LRRFIP1: variants seen among roughly 807,000 people sequenced by gnomAD.
LRRFIP1 encodes the protein LRR binding FLII interacting protein 1.
Under a neutral mutation model 104.4 loss-of-function variants are expected in LRRFIP1, and 62 were observed. The observed-to-expected ratio is 0.59, with a 90% CI of 0.48 to 0.73. The LOEUF is 0.73. LRRFIP1 is among the 30% of genes least tolerant of loss of function. The pLI is 0.00. For synonymous variants in LRRFIP1, 300 were observed against 299.0 expected (o/e 1.00, Z -0.03); for missense variants, 796 against 824.5 (o/e 0.97, Z 0.42).
rs1269026203 is a variant in LRRFIP1 at position 237,781,047 on chromosome 2, A to G, written c.*1515A>G. Among the ~76,000 whole-genome samples, 3 of 152,206 alleles carry G rather than the reference A, an allele frequency of 2.0e-5. No homozygotes were observed. The highest frequency in any genetic ancestry group is 4.4e-5 in the Non-Finnish European group (3 of 68,042). On this transcript the variant is annotated 3_prime_UTR_variant, in exon 24 of 24. Transcript: ENST00000308482. Reference sequence around the variant, plus strand: ...CCCGGGCACCGTATGAACAGGAAAGAGGAAGGAAGCTGGACGAAGCCCCTC... The same window carrying G: ...CCCGGGCACCGTATGAACAGGAAAGGGGAAGGAAGCTGGACGAAGCCCCTC...
intron 1 of LRRFIP1, among the ~76,000 whole-genome samples, chr2:237,698,776 G>A (rs541163916): frequency 5.9e-4 from 90 of 152,262 alleles, no homozygotes; most frequent in African/African-American, 2.0e-3. Context: ...TCTGAATTGT[G>A]CCGGGGCTGG....
chr2:237,688,456 CTTTTTTT>C, intron 1 of LRRFIP1, among the ~76,000 whole-genome samples: 1 of 90,170 alleles, frequency 1.1e-5, no homozygotes, highest in East Asian at 3.2e-4. Flanking sequence ...TTTTTTTTTT[CTTTTTTT>C]TTTTTTTTTT....
At chr2:237,763,718 G>A (rs768437964) in intron 19 of LRRFIP1, 1 of 1,614,226 alleles carries the variant, frequency 6.2e-7, no homozygotes, top group Non-Finnish European at 8.5e-7. Context: ...AGCAGCTGAG[G>A]AGGTACTAGC....
At chr2:237,685,121 C>CA (rs2092265235) in intron 1 of LRRFIP1, among the ~76,000 whole-genome samples, 4 of 65,452 alleles carry the variant, frequency 6.1e-5, no homozygotes, top group African/African-American at 2.0e-4. Flanking sequence ...CCCCCCCACA[C>CA]AAAAAAACCC....
At chr2:237,747,788 A>C (rs1325932350) in intron 11 of LRRFIP1, among the ~76,000 whole-genome samples, 1 of 152,120 alleles carries the variant, frequency 6.6e-6, no homozygotes, top group Non-Finnish European at 1.5e-5. Flanking sequence ...TTTTTAGACA[A>C]ACTCAACCTT....
intron 10 of LRRFIP1, among the ~76,000 whole-genome samples, chr2:237,737,336 G>A (rs1342735303): frequency 6.6e-6 from 1 of 152,192 alleles, no homozygotes; most frequent in Non-Finnish European, 1.5e-5. Flanking sequence ...CAGATGCCGG[G>A]CTAAGGAACT....
intron 9 of LRRFIP1, 143 bp downstream of exon 9, chr2:237,733,961 G>T: frequency 3.6e-6 from 3 of 834,812 alleles, no homozygotes; most frequent in East Asian, 2.6e-5. Context: ...ATGTGCCAGT[G>T]GGGAATGTCT....
At chr2:237,751,310 CAACTT>C (rs1343143992) in intron 14 of LRRFIP1, 39 bp downstream of exon 14, 12 of 1,436,676 alleles carry the variant, frequency 8.4e-6, no homozygotes, top group Non-Finnish European at 1.0e-5. Flanking sequence ...GATATTAACC[CAACTT>C]AACTTAAAAA....
intron 1 of LRRFIP1, among the ~76,000 whole-genome samples, chr2:237,665,965 A>C (rs2089145470): frequency 6.6e-6 from 1 of 152,240 alleles, no homozygotes. Context: ...TTTGGCTCAA[A>C]GCACCCAGGA....
At chr2:237,759,881 T>C (rs1307865978) in intron 18 of LRRFIP1, among the ~76,000 whole-genome samples, 183 bp from the exon 19 acceptor site, 1 of 152,186 alleles carries the variant, frequency 6.6e-6, no homozygotes, top group Non-Finnish European at 1.5e-5. Flanking sequence ...TGGAGGACGA[T>C]ATCCCAGATT....
At chr2:237,696,967 T>C (rs966794878) in intron 1 of LRRFIP1, among the ~76,000 whole-genome samples, 1 of 152,258 alleles carries the variant, frequency 6.6e-6, no homozygotes, top group Non-Finnish European at 1.5e-5. Flanking sequence ...CAAACTTTTC[T>C]GTTCTCTGCC....
Position 237,760,180 on chromosome 2 carries a change from C to T in LRRFIP1, c.1434C>T (p.Leu478=). Residue 478 remains leucine, a synonymous_variant, in exon 19 of 24, where the codon CTC becomes CTT. Transcript: ENST00000308482. ...TGACAAAAGAAGAGTTAAATGCCCT[C>T]AAGTCGACAGGGGATGGGACCCTAG... ...TKMTKEELNA[L]KSTGDGTLDI... 6.2e-7 allele frequency: 1 copy of T among 1,614,152 alleles called. No homozygotes were observed. The highest frequency in any genetic ancestry group is 1.3e-5 in the African/African-American group (1 of 75,034).
chr2:237,732,263 G>A (rs777825213), intron 8 of LRRFIP1, among the ~76,000 whole-genome samples: 1 of 152,060 alleles, frequency 6.6e-6, no homozygotes, highest in Admixed American at 6.5e-5. Flanking sequence ...CTGGACTGAT[G>A]TACCTTTGCG....
At chr2:237,638,740 C>G (rs1186536481) in intron 1 of LRRFIP1, among the ~76,000 whole-genome samples, 1 of 152,222 alleles carries the variant, frequency 6.6e-6, no homozygotes, top group African/African-American at 2.4e-5. Context: ...AGTCTTGGGG[C>G]TGCCGTGTCG....
chr2:237,765,122 G>A (rs7563472), intron 19 of LRRFIP1: 1 of 285,254 alleles, frequency 3.5e-6, no homozygotes, highest in African/African-American at 2.3e-5. Context: ...AATTGGCCGG[G>A]CGTGATGGTG....
chr2:237,773,152 C>A (rs902111965), intron 22 of LRRFIP1, among the ~76,000 whole-genome samples: 4 of 152,210 alleles, frequency 2.6e-5, no homozygotes, highest in Non-Finnish European at 5.9e-5. Context: ...TAAGTTGTTA[C>A]AGTAGATACT....
chr2:237,652,115 A>G (rs1452906059), intron 1 of LRRFIP1, among the ~76,000 whole-genome samples: 1 of 152,224 alleles, frequency 6.6e-6, no homozygotes, highest in Non-Finnish European at 1.5e-5. Flanking sequence ...AAACTTGTCC[A>G]TCATGAAAGC....
In LRRFIP1 at chr2:237,747,930, CA is replaced by C. The variant is rs531078792; in HGVS notation, c.634-427del. ...CCAGTCCTGCAAACAAACAAACAAA[CA>C]AAAAAAGGAGAAAAAAAGAAACCTG... On this transcript the variant is annotated intron_variant, in intron 11 of 23. Transcript: ENST00000308482. Among the ~76,000 whole-genome samples, 23 of 150,548 alleles carry C rather than the reference CA, an allele frequency of 1.5e-4. No individual in the cohort carries two copies. In the South Asian group the frequency reaches 4.9e-3, roughly 32 times the overall value.
chr2:237,653,362 A>C (rs2086258804), intron 1 of LRRFIP1, among the ~76,000 whole-genome samples: 1 of 152,234 alleles, frequency 6.6e-6, no homozygotes, highest in African/African-American at 2.4e-5. Context: ...ATTGAAAGAG[A>C]CACAAATAAA....
Sources: gnomAD v4.1 joint callset for allele counts (sites outside exome capture counted in the v4.1 genomes callset) on GRCh38, gnomAD v4.1.1 for gene constraint, MANE v1.5 for transcripts, NCBI Gene and HGNC (gene_info 2026-07-23, HGNC 2026-07-21) for gene names.